Variants in NKAIN3 observed in about 807,000 individuals in gnomAD.
NKAIN3 encodes the protein sodium/potassium transporting ATPase interacting 3, also known as sodium/potassium-transporting ATPase subunit beta-1-interacting protein 3.
In NKAIN3, 25 loss-of-function variants were observed where a neutral mutation model predicts 30.2. The ratio of observed to expected loss-of-function variants is 0.83; its 90% CI spans 0.60 to 1.16. NKAIN3 has a LOEUF of 1.16. NKAIN3 is among the 50% of genes most tolerant of loss of function. The pLI is 0.00. For missense variants in NKAIN3, 225 were observed against 254.1 expected (o/e 0.89, Z 0.78); for synonymous variants, 91 against 89.6 (o/e 1.02, Z -0.09).
chr8:62,346,185 A>C (rs567788788), intron 1 of NKAIN3, among the ~76,000 whole-genome samples: 2 of 152,236 alleles, frequency 1.3e-5, no homozygotes, highest in South Asian at 4.1e-4. Flanking sequence ...AACTAAAGTA[A>C]CATATATTTC....
chr8:62,553,521 G>A (rs1490448951), intron 1 of NKAIN3, among the ~76,000 whole-genome samples: 1 of 148,892 alleles, frequency 6.7e-6, no homozygotes, highest in East Asian at 2.0e-4. Flanking sequence ...TGAGCATGTT[G>A]TATTTTTATA....
chr8:62,337,359 A>G (rs1815591304), intron 1 of NKAIN3, among the ~76,000 whole-genome samples: 1 of 152,022 alleles, frequency 6.6e-6, no homozygotes, highest in African/African-American at 2.4e-5. Flanking sequence ...ACTGATGAAT[A>G]AGACATTTCT....
chr8:62,294,248 T>C (rs1221289022), intron 1 of NKAIN3, among the ~76,000 whole-genome samples: 1 of 152,180 alleles, frequency 6.6e-6, no homozygotes, highest in Non-Finnish European at 1.5e-5. Context: ...CCCAGTGAGA[T>C]GAACCCAGTA....
intron 1 of NKAIN3, among the ~76,000 whole-genome samples, chr8:62,281,570 T>A (rs995096842): frequency 2.6e-5 from 4 of 152,186 alleles, no homozygotes; most frequent in Non-Finnish European, 5.9e-5. Context: ...TTCTGGTATG[T>A]TGTGTCTTTG....
At chr8:62,505,609 A>G (rs1430772342) in intron 1 of NKAIN3, among the ~76,000 whole-genome samples, 2 of 152,134 alleles carry the variant, frequency 1.3e-5, no homozygotes, top group Non-Finnish European at 2.9e-5. Context: ...CTTGCTAAAT[A>G]GTTGTTGAAA....
intron 4 of NKAIN3, among the ~76,000 whole-genome samples, chr8:62,826,055 C>T (rs1254351975): frequency 2.0e-5 from 3 of 152,184 alleles, no homozygotes; most frequent in African/African-American, 7.2e-5. Flanking sequence ...CTCCTCCTCC[C>T]CTAATCATCG....
chr8:62,530,891 C>T (rs1285048108), intron 1 of NKAIN3, among the ~76,000 whole-genome samples: 1 of 152,190 alleles, frequency 6.6e-6, no homozygotes, highest in African/African-American at 2.4e-5. Context: ...GTCATCTGCC[C>T]ACCTCGGCCT....
At chr8:62,820,254 A>C (rs1818810126) in intron 4 of NKAIN3, among the ~76,000 whole-genome samples, 1 of 152,200 alleles carries the variant, frequency 6.6e-6, no homozygotes, top group South Asian at 2.1e-4. Context: ...GAATAAAGGA[A>C]GAATGAGCTG....
intron 4 of NKAIN3, among the ~76,000 whole-genome samples, chr8:62,853,487 T>G (rs1586270746): frequency 1.3e-5 from 2 of 152,210 alleles, no homozygotes; most frequent in African/African-American, 4.8e-5. Flanking sequence ...TTCTAACTTA[T>G]GTGTACAAAG....
chr8:62,589,900 TG>T, intron 3 of NKAIN3, 106 bp downstream of exon 3: 1 of 507,840 alleles, frequency 2.0e-6, no homozygotes, highest in East Asian at 3.1e-5. Flanking sequence ...TGTGTGTGTG[TG>T]TGTGTGTGTG....
intron 1 of NKAIN3, among the ~76,000 whole-genome samples, chr8:62,324,037 A>G (rs1815031588): frequency 6.6e-6 from 1 of 152,180 alleles, no homozygotes; most frequent in Non-Finnish European, 1.5e-5. Context: ...TGATATTGTA[A>G]TGATGGGCAC....
chr8:62,773,951 A>T lies in NKAIN3; in HGVS notation c.471+26822A>T, dbSNP rs576751524. ...TTCTTCTATTGCTCTGAAGAATGTC[A>T]TTGGTATTTTGACAGATATTGTATT... On this transcript the variant is annotated intron_variant, in intron 4 of 6. Transcript: ENST00000623646. Among the ~76,000 whole-genome samples, 4 of 152,242 alleles carry T rather than the reference A, an allele frequency of 2.6e-5. No individual in the cohort carries two copies. The East Asian group carries it at 7.7e-4, about 29-fold the overall frequency.
intron 3 of NKAIN3, among the ~76,000 whole-genome samples, chr8:62,656,491 G>A (rs74693448): frequency 0.038 from 5,836 of 151,730 alleles, 172 homozygotes; most frequent in African/African-American, 0.083. Context: ...AAGAAAGAAA[G>A]AAAGAAAAAA....
At chr8:62,998,673 G>A (rs1364295350) in intron 5 of NKAIN3, among the ~76,000 whole-genome samples, 1 of 152,152 alleles carries the variant, frequency 6.6e-6, no homozygotes, top group Non-Finnish European at 1.5e-5. Context: ...TTCGTGATTT[G>A]GGAAGATTTT....
At chr8:62,994,930 G>T (rs999533133) in intron 5 of NKAIN3, among the ~76,000 whole-genome samples, 2 of 152,196 alleles carry the variant, frequency 1.3e-5, no homozygotes, top group African/African-American at 4.8e-5. Context: ...CATCATTGGG[G>T]TGTTAACTAA....
chr8:62,487,993 C>G (rs1238490449), intron 1 of NKAIN3, among the ~76,000 whole-genome samples: 2 of 152,104 alleles, frequency 1.3e-5, no homozygotes, highest in African/African-American at 4.8e-5. Context: ...GGTAACTGGG[C>G]CACCAGGCAG....
chr8:62,806,562 C>G (rs985600880), intron 4 of NKAIN3, among the ~76,000 whole-genome samples: 1 of 152,098 alleles, frequency 6.6e-6, no homozygotes, highest in East Asian at 1.9e-4. Flanking sequence ...GGACAAAAAA[C>G]CAAACACCGC....
At position 62,968,168 on chromosome 8, in the gene NKAIN3, T is replaced by A. The variant is rs1823754156; in HGVS notation, c.*2761T>A. Among the ~76,000 whole-genome samples, 1 of 152,172 alleles carries A rather than the reference T, an allele frequency of 6.6e-6. No homozygotes were observed. Among genetic ancestry groups the A allele is most frequent in the African/African-American group, 2.4e-5 (1 of 41,444 alleles). On this transcript the variant is annotated 3_prime_UTR_variant, in exon 7 of 7. Coordinates refer to ENST00000623646, the MANE Select transcript of NKAIN3 (RefSeq NM_001304533.3). ...TGCCACCTCCTCTTCTCTCTTTTCT[T>A]CTCCCTGCCTTTCATCTTCCTGGTT...
intron 1 of NKAIN3, among the ~76,000 whole-genome samples, chr8:62,572,110 GCT>G (rs1809963261): frequency 1.3e-5 from 2 of 152,108 alleles, no homozygotes; most frequent in South Asian, 2.1e-4. Context: ...AAACTTCTAT[GCT>G]CTGTTTCCCT....
Sources: allele counts gnomAD v4.1 joint callset (sites outside exome capture counted in the v4.1 genomes callset), GRCh38; gene constraint gnomAD v4.1.1; transcripts MANE v1.5; gene names NCBI Gene and HGNC (gene_info 2026-07-23, HGNC 2026-07-21).